Variants in MEI4 observed in about 807,000 individuals in gnomAD.
The protein encoded by MEI4 is meiosis-specific protein MEI4.
In MEI4, 27 loss-of-function variants were observed where a neutral mutation model predicts 31.4. The ratio of observed to expected loss-of-function variants is 0.86; its 90% confidence interval spans 0.63 to 1.19. MEI4 has a LOEUF of 1.19. Among genes scored for constraint, MEI4 ranks in the 50% most tolerant of loss-of-function variants. The pLI is 0.00. For synonymous variants in MEI4, 122 were observed against 145.4 expected, an observed-to-expected ratio of 0.84 and a Z score of 1.16; for missense variants, 329 against 398.9, an observed-to-expected ratio of 0.82 and a Z score of 1.49.
intron 3 of MEI4, among the ~76,000 whole-genome samples, chr6:77,819,217 C>T (rs1374732971): frequency 6.6e-6 from 1 of 151,944 alleles, no homozygotes; most frequent in Non-Finnish European, 1.5e-5. Context: ...ATTACTTATT[C>T]ATATGTTTTG....
At chr6:77,875,156 A>T (rs533366023) in intron 4 of MEI4, among the ~76,000 whole-genome samples, 3 of 152,126 alleles carry the variant, frequency 2.0e-5, no homozygotes, top group African/African-American at 7.2e-5. Flanking sequence ...CCCATCATGG[A>T]TATGTCTCCA....
chr6:77,911,365 C>T (rs913020267), intron 4 of MEI4, among the ~76,000 whole-genome samples: 1 of 151,984 alleles, frequency 6.6e-6, no homozygotes, highest in Non-Finnish European at 1.5e-5. Flanking sequence ...TGGATAATTT[C>T]TGTGTCACTG....
At chr6:77,778,430 G>A (rs1768511311) in intron 3 of MEI4, among the ~76,000 whole-genome samples, 1 of 152,228 alleles carries the variant, frequency 6.6e-6, no homozygotes, top group South Asian at 2.1e-4. Flanking sequence ...GCTAGGTGTG[G>A]TGGCTCATGC....
intron 1 of MEI4, among the ~76,000 whole-genome samples, chr6:77,672,687 G>A (rs1768767940): frequency 6.6e-6 from 1 of 152,092 alleles, no homozygotes; most frequent in Non-Finnish European, 1.5e-5. Context: ...TTACAGGTGT[G>A]CACCACCACG....
chr6:77,695,043 T>C (rs1765984024), intron 2 of MEI4, among the ~76,000 whole-genome samples: 1 of 152,222 alleles, frequency 6.6e-6, no homozygotes, highest in Non-Finnish European at 1.5e-5. Flanking sequence ...ATATGTCTTT[T>C]GGCTGCATAA....
chr6:77,792,844 C>G (rs961412541), intron 3 of MEI4, among the ~76,000 whole-genome samples: 3 of 151,980 alleles, frequency 2.0e-5, no homozygotes, highest in African/African-American at 7.3e-5. Context: ...TCCCGAGTAG[C>G]TGGGACTACA....
At chr6:77,868,443 A>G (rs1320090680) in intron 4 of MEI4, among the ~76,000 whole-genome samples, 3 of 146,226 alleles carry the variant, frequency 2.1e-5, no homozygotes, top group South Asian at 4.3e-4. Context: ...AGCTTCTGTG[A>G]ACAGATCAAC....
At chr6:77,710,389 G>A (rs982413850) in intron 2 of MEI4, among the ~76,000 whole-genome samples, 1 of 151,778 alleles carries the variant, frequency 6.6e-6, no homozygotes, top group Non-Finnish European at 1.5e-5. Flanking sequence ...GGGTGTGGTG[G>A]TGCGCACCTG....
At chr6:77,661,944 C>G (rs2446251) in intron 1 of MEI4, among the ~76,000 whole-genome samples, 46,690 of 151,942 alleles carry the variant, frequency 0.31, 7,498 homozygotes, top group South Asian at 0.42. Flanking sequence ...GGATCTGACG[C>G]CTTTTGATGC....
intron 4 of MEI4, among the ~76,000 whole-genome samples, chr6:77,864,981 A>G (rs1770979042): frequency 6.6e-6 from 1 of 152,230 alleles, no homozygotes; most frequent in Non-Finnish European, 1.5e-5. Context: ...CTGAATGACT[A>G]CTGGGTACAT....
chr6:77,730,442 T>G (rs886350974), intron 2 of MEI4, among the ~76,000 whole-genome samples: 1 of 152,016 alleles, frequency 6.6e-6, no homozygotes, highest in African/African-American at 2.4e-5. Flanking sequence ...GACTATGTTT[T>G]CACTATACTG....
At chr6:77,759,442 C>A (rs1486693146) in intron 2 of MEI4, among the ~76,000 whole-genome samples, 1 of 152,100 alleles carries the variant, frequency 6.6e-6, no homozygotes, top group African/African-American at 2.4e-5. Context: ...GCTTATGTGA[C>A]CAGTTTCTAA....
At chr6:77,678,474 A>G (rs1252482412) in intron 1 of MEI4, among the ~76,000 whole-genome samples, 1 of 152,210 alleles carries the variant, frequency 6.6e-6, no homozygotes, top group African/African-American at 2.4e-5. Flanking sequence ...AGTCAATGAC[A>G]GAGTGCATTT....
At chr6:77,840,022 G>C (rs1179961453) in intron 4 of MEI4, among the ~76,000 whole-genome samples, 1 of 152,122 alleles carries the variant, frequency 6.6e-6, no homozygotes, top group Non-Finnish European at 1.5e-5. Flanking sequence ...TGCTCCTTGA[G>C]GTAAACATCA....
intron 3 of MEI4, among the ~76,000 whole-genome samples, chr6:77,809,791 C>G (rs1018432332): frequency 6.6e-6 from 1 of 151,822 alleles, no homozygotes; most frequent in Non-Finnish European, 1.5e-5. Flanking sequence ...CATAATATTG[C>G]ATGTGAAGTT....
chr6:77,768,287 A>G (rs1768224605), intron 3 of MEI4, among the ~76,000 whole-genome samples: 1 of 152,148 alleles, frequency 6.6e-6, no homozygotes, highest in Non-Finnish European at 1.5e-5. Flanking sequence ...ACTTTTGTTA[A>G]TGGGTTAAAG....
chr6:77,825,081 C>A (rs1769911882), intron 3 of MEI4, among the ~76,000 whole-genome samples: 1 of 151,880 alleles, frequency 6.6e-6, no homozygotes, highest in Non-Finnish European at 1.5e-5. Context: ...TCATTATATT[C>A]TTATAATTTG....
chr6:77,846,512 T>C (rs945323580), intron 4 of MEI4, among the ~76,000 whole-genome samples: 2 of 152,212 alleles, frequency 1.3e-5, no homozygotes, highest in African/African-American at 4.8e-5. Context: ...TATCATTTAC[T>C]GTTTCTCATA....
intron 3 of MEI4, among the ~76,000 whole-genome samples, chr6:77,814,731 C>A (rs1769650394): frequency 6.6e-6 from 1 of 152,104 alleles, no homozygotes; most frequent in Non-Finnish European, 1.5e-5. Flanking sequence ...CCTACCTGCT[C>A]CTTTTCTCTT....
Sources: gnomAD v4.1 joint callset for allele counts (sites outside exome capture counted in the v4.1 genomes callset) on GRCh38, gnomAD v4.1.1 for gene constraint, MANE v1.5 for transcripts, NCBI Gene and HGNC (gene_info 2026-07-23, HGNC 2026-07-21) for gene names.